The following BNIP5 variants were observed in gnomAD, a reference collection of about 807,000 sequenced individuals.
BNIP5 encodes protein BNIP5.
A neutral mutation model predicts 67.3 loss-of-function variants in BNIP5; 61 were observed. The observed-to-expected ratio is 0.91, with a 90% confidence interval of 0.74 to 1.12. The LOEUF is 1.12. Ranked by LOEUF, BNIP5 falls within the 50% of genes most tolerant of loss-of-function variation. The probability of loss-of-function intolerance (pLI) is 0.00; values close to 1 mark genes in which losing one functional copy is unlikely to be tolerated. For missense variants in BNIP5, 826 were observed against 816.3 expected, an observed-to-expected ratio of 1.01 and a Z score of -0.14; for synonymous variants, 317 against 319.0, an observed-to-expected ratio of 0.99 and a Z score of 0.07.
chr6:36,319,627 A>C lies in BNIP5; in HGVS notation c.1669-17T>G. ...GCGCCTGATCTGGAAGTGGAAATGA[A>C]AACAGGTCATTAGTGTTGCTGGCAG... is the stretch of plus-strand genomic sequence containing the variant. On this transcript the variant is annotated splice_polypyrimidine_tract_variant and intron_variant, in intron 10 of 11. Transcript: ENST00000437635. 6.2e-7 allele frequency: 1 copy of C among 1,606,286 alleles called. No individual in the cohort carries two copies. The highest frequency in any genetic ancestry group is 8.5e-7 in the Non-Finnish European group (1 of 1,174,182).
chr6:36,317,237 G>C lies in BNIP5; in HGVS notation c.*119C>G, dbSNP rs910046751. On this transcript the variant is annotated 3_prime_UTR_variant, in exon 12 of 12. Transcript: ENST00000437635. ...GGACACAGAATGATTGTCTGCTCTT[G>C]TCTTCCATCACGTTTGTGAAGCAGG... is the stretch of plus-strand genomic sequence containing the variant. The C allele has an allele frequency of 2.4e-6, 2 of 833,432 alleles. No homozygotes were observed. Among genetic ancestry groups the C allele is most frequent in the African/African-American group, 1.7e-5 (1 of 60,084 alleles). The allele number at this position is 833,432 out of a possible 1,614,324, so 51.6% of individuals were successfully genotyped here. A position where few individuals can be genotyped will look rare whatever the true frequency, so the allele number is the denominator to read the frequency against.
Position 36,316,227 on chromosome 6 carries a change from C to T in BNIP5, c.*1129G>A, listed in dbSNP as rs1771511394. The T allele has an allele frequency of 1.6e-5, 5 of 319,866 alleles. No homozygotes were observed. Among genetic ancestry groups the T allele is most frequent in the Non-Finnish European group, 2.8e-5 (5 of 176,416 alleles). 19.8% of individuals were successfully genotyped at this position (319,866 alleles called of 1,614,324 possible). ...TCACTTGCCATCCAGGTTTAACACC[C>T]TTTCCCCCATGACCACATGTTCTGG... On this transcript the variant is annotated 3_prime_UTR_variant, in exon 12 of 12. Coordinates refer to ENST00000437635, the MANE Select transcript of BNIP5 (RefSeq NM_001010903.5).
chr6:36,325,905 T>G (rs900567034), intron 5 of BNIP5, among the ~76,000 whole-genome samples: 2 of 152,184 alleles, frequency 1.3e-5, no homozygotes, highest in East Asian at 3.9e-4. Flanking sequence ...CGCCTCTAGC[T>G]CTGGCCCCAT....
chr6:36,317,695 ACTGTTGTCTTTTCCATTGGCAGATGAAGC>A (rs1389084677), intron 11 of BNIP5, among the ~76,000 whole-genome samples: 2 of 152,164 alleles, frequency 1.3e-5, no homozygotes, highest in Admixed American at 6.5e-5. Context: ...TTGTCATCAA[ACTGTTGTCTTTTCCATTGGCAGATGAAGC>A]CTTTGAAGGC....
rs371551325 is a variant in BNIP5, at chr6:36,325,419, G to A, written c.1037-5C>T. 297 of 1,607,414 alleles carry A rather than the reference G, an allele frequency of 1.8e-4. No homozygotes were observed. Among genetic ancestry groups the A allele is most frequent in the Non-Finnish European group, 2.4e-4 (286 of 1,177,358 alleles). The stretch of plus-strand genomic sequence containing the variant: ...GGACTTTAGGTTCTTCCAAGCCTGA[G>A]AAGCAGAAGGAGAACGAGGGTGTGT... On this transcript the variant is annotated splice_polypyrimidine_tract_variant and splice_region_variant and intron_variant, in intron 5 of 11. Coordinates refer to ENST00000437635, the MANE Select transcript of BNIP5 (RefSeq NM_001010903.5).
At chr6:36,326,778 G>C (rs772723744) in intron 4 of BNIP5, 25 bp from the exon 5 acceptor site, 3 of 1,612,900 alleles carry the variant, frequency 1.9e-6, no homozygotes, top group African/African-American at 1.3e-5. Context: ...AGAAAAACTG[G>C]TCAGGTTCAT....
chr6:36,326,661 T>C lies in BNIP5; in HGVS notation c.885A>G (p.Arg295=). The C allele has an allele frequency of 6.2e-7, 1 of 1,614,230 alleles. No individual in the cohort carries two copies. The highest frequency in any genetic ancestry group is 8.5e-7 in the Non-Finnish European group (1 of 1,180,040). ...GTTTCTTGGGGTTTGTCTTTGAGGT[T>C]CTCTTGAGGCTTGTCTTTTTCTCTT... is the stretch of plus-strand genomic sequence containing the variant. ...KSQEKKTSLK[R]TSKTNPKKHG... Residue 295 remains arginine, a synonymous_variant, in exon 5 of 12, where the codon AGA becomes AGG. Transcript: ENST00000437635.
intron 10 of BNIP5, among the ~76,000 whole-genome samples, 190 bp downstream of exon 10, chr6:36,320,965 G>C (rs184524170): frequency 2.0e-5 from 3 of 152,282 alleles, no homozygotes; most frequent in Admixed American, 2.0e-4. Flanking sequence ...CTACATGTCT[G>C]GCGTTTTCTA....
chr6:36,324,124 C>T lies in BNIP5; in HGVS notation c.1230+5G>A. On this transcript the variant is annotated splice_donor_5th_base_variant and intron_variant, in intron 7 of 11. Coordinates refer to ENST00000437635, the MANE Select transcript of BNIP5 (RefSeq NM_001010903.5). ...TCAGGGTTACATGGGGAGCGTCTTC[C>T]TCACCTCCTCTCCTTGCTGTTCTTC... 1.9e-6 allele frequency: 3 copies of T among 1,612,972 alleles called. No individual in the cohort carries two copies. Among genetic ancestry groups the T allele is most frequent in the Non-Finnish European group, 1.7e-6 (2 of 1,178,988 alleles).
chr6:36,329,322 T>C (rs371759760), intron 2 of BNIP5, among the ~76,000 whole-genome samples: 3 of 152,368 alleles, frequency 2.0e-5, no homozygotes, highest in East Asian at 3.9e-4. Flanking sequence ...ACAGCTATTG[T>C]GCACTAAGCA....
At chr6:36,329,546 C>G (rs1771836995) in intron 2 of BNIP5, among the ~76,000 whole-genome samples, 1 of 152,060 alleles carries the variant, frequency 6.6e-6, no homozygotes, top group Non-Finnish European at 1.5e-5. Flanking sequence ...CGTGGTGGCT[C>G]ACACCTGTAA....
intron 5 of BNIP5, among the ~76,000 whole-genome samples, chr6:36,326,173 C>T (rs1375717576): frequency 2.6e-5 from 4 of 152,218 alleles, no homozygotes; most frequent in African/African-American, 9.6e-5. Context: ...CTCCTGCCTC[C>T]CCTGCTCCAG....
chr6:36,333,378 A>G (rs1771946667), intron 1 of BNIP5, among the ~76,000 whole-genome samples: 1 of 152,246 alleles, frequency 6.6e-6, no homozygotes, highest in Admixed American at 6.5e-5. Flanking sequence ...AACTTTTAGC[A>G]ATATGTATCT....
Position 36,316,800 on chromosome 6 carries a change from C to G in BNIP5, c.*556G>C. On this transcript the variant is annotated 3_prime_UTR_variant, in exon 12 of 12. Transcript: ENST00000437635. The stretch of plus-strand genomic sequence containing the variant: ...CTGAGAGACCAAGTGTCCCCAGTCT[C>G]TAGGTTTTTCCATCTTGGGCCTGCA... 1 of 399,676 alleles carries G rather than the reference C, an allele frequency of 2.5e-6. No homozygotes were observed. The allele number at this position is 399,676 out of a possible 1,614,324, so 24.8% of individuals were successfully genotyped here.
rs1388342832 is a variant in BNIP5 at position 36,318,839 on chromosome 6, A to G, written c.1923+517T>C. Among the ~76,000 whole-genome samples the G allele has an allele frequency of 2.0e-5, 3 of 152,206 alleles. No homozygotes were observed. In the East Asian group the frequency reaches 5.8e-4, roughly 29 times the overall value. ...AGAACAGTGAAGGTGACGGCAGGAG[A>G]GAGGCTGTTCATTAAGCAACCAAGG... is the stretch of plus-strand genomic sequence containing the variant. On this transcript the variant is annotated intron_variant, in intron 11 of 11. Transcript: ENST00000437635.
intron 1 of BNIP5, among the ~76,000 whole-genome samples, chr6:36,332,298 T>G (rs897918507): frequency 1.3e-5 from 2 of 152,096 alleles, no homozygotes; most frequent in East Asian, 1.9e-4. Context: ...TCACTTCCTT[T>G]GAGGCTGTAC....
chr6:36,330,701 C>G lies in BNIP5; in HGVS notation c.-4-7G>C. 1.3e-6 allele frequency: 2 copies of G among 1,539,034 alleles called. No individual in the cohort carries two copies. Among genetic ancestry groups the G allele is most frequent in the Non-Finnish European group, 1.7e-6 (2 of 1,153,066 alleles). Reference sequence around the variant, plus strand: ...CCTTGGATTCTCCATCGGGCTGCAACCAAAACACACAGCTCCCTTAGTTTT... The same window carrying G: ...CCTTGGATTCTCCATCGGGCTGCAAGCAAAACACACAGCTCCCTTAGTTTT... On this transcript the variant is annotated splice_polypyrimidine_tract_variant and splice_region_variant and intron_variant, in intron 1 of 11. Coordinates refer to ENST00000437635, the MANE Select transcript of BNIP5 (RefSeq NM_001010903.5).
chr6:36,326,689 G>C lies in BNIP5; in HGVS notation c.857C>G (p.Ser286Cys), dbSNP rs1276241307. ...CTTGAGGCTTGTCTTTTTCTCTTGG[G>C]ATTTCTTCCTAACAGCTGGTGCTGG... ...PNPAPAVRKK[S>C]QEKKTSLKRT... Residue 286 changes from serine to cysteine, a missense_variant, in exon 5 of 12, where the codon TCC becomes TGC. Ser to Cys is a moderately radical substitution (Grantham distance 112). Coordinates refer to ENST00000437635, the MANE Select transcript of BNIP5 (RefSeq NM_001010903.5). 2 of 1,614,124 alleles carry C rather than the reference G, an allele frequency of 1.2e-6. No homozygotes were observed. Among genetic ancestry groups the C allele is most frequent in the African/African-American group, 2.7e-5 (2 of 74,944 alleles).
Position 36,333,399 on chromosome 6 carries a change from T to C in BNIP5, c.-4-2705A>G, listed in dbSNP as rs192254383. On this transcript the variant is annotated intron_variant, in intron 1 of 11. Transcript: ENST00000437635. ...TAGCAATATGTATCTGTACCTTATA[T>C]GGAAATTCACTAATGTTCCTGAAAG... Among the ~76,000 whole-genome samples the C allele has an allele frequency of 4.9e-3, 747 of 152,382 alleles. 6 individuals carry two copies. Among genetic ancestry groups the C allele is most frequent in the African/African-American group, 0.017 (692 of 41,582 alleles).
Sources: gnomAD v4.1 joint callset for allele counts (sites outside exome capture counted in the v4.1 genomes callset) on GRCh38, gnomAD v4.1.1 for gene constraint, MANE v1.5 for transcripts, NCBI Gene and HGNC (gene_info 2026-07-23, HGNC 2026-07-21) for gene names.